NKAIN1: variants seen among roughly 807,000 people sequenced by gnomAD.
NKAIN1 encodes the protein sodium/potassium-transporting ATPase subunit beta-1-interacting protein 1.
NKAIN1 carries 13 observed loss-of-function variants against 31.6 expected under a neutral mutation model. The ratio of observed to expected loss-of-function variants is 0.41; its 90% CI spans 0.27 to 0.65. The LOEUF is 0.65. NKAIN1 is among the 30% of genes least tolerant of loss of function. NKAIN1 has a pLI of 0.30. For missense variants in NKAIN1, 193 were observed against 262.2 expected (o/e 0.74, Z 1.82); for synonymous variants, 104 against 109.0 (o/e 0.95, Z 0.28).
intron 1 of NKAIN1, among the ~76,000 whole-genome samples, chr1:31,236,517 C>T (rs908931026): frequency 1.3e-5 from 2 of 152,074 alleles, no homozygotes; most frequent in African/African-American, 2.4e-5. Flanking sequence ...TCCAACATCC[C>T]GGGGCACATT....
intron 1 of NKAIN1, among the ~76,000 whole-genome samples, chr1:31,230,730 T>A (rs1231851901): frequency 6.7e-6 from 1 of 148,902 alleles, no homozygotes; most frequent in East Asian, 1.9e-4. Context: ...AATTTTTAAT[T>A]TTTGTGGGTT....
At chr1:31,228,063 T>C (rs1645621041) in intron 1 of NKAIN1, among the ~76,000 whole-genome samples, 1 of 152,286 alleles carries the variant, frequency 6.6e-6, no homozygotes, top group East Asian at 1.9e-4. Flanking sequence ...AACAGTGCAG[T>C]GTGAAGGCAT....
intron 4 of NKAIN1, among the ~76,000 whole-genome samples, chr1:31,183,309 T>G (rs909003459): frequency 6.6e-6 from 1 of 152,098 alleles, no homozygotes; most frequent in Non-Finnish European, 1.5e-5. Context: ...GTCTGATGCC[T>G]CATCCTACTC....
intron 1 of NKAIN1, among the ~76,000 whole-genome samples, chr1:31,223,953 G>A (rs889454222): frequency 6.6e-6 from 1 of 152,248 alleles, no homozygotes; most frequent in African/African-American, 2.4e-5. Flanking sequence ...CTGGCAGGGA[G>A]CACCCAAGAA....
chr1:31,191,687 G>A (rs754170958), intron 1 of NKAIN1, among the ~76,000 whole-genome samples: 5 of 152,128 alleles, frequency 3.3e-5, no homozygotes, highest in African/African-American at 1.2e-4. Flanking sequence ...CTAGGATCTG[G>A]CTCAATCCTG....
chr1:31,214,259 G>C (rs1645493214), intron 1 of NKAIN1, among the ~76,000 whole-genome samples: 1 of 151,862 alleles, frequency 6.6e-6, no homozygotes, highest in African/African-American at 2.4e-5. Flanking sequence ...GTGGATTAGT[G>C]GTTGCCAGAA....
chr1:31,232,396 C>CATATATAT (rs371123492), intron 1 of NKAIN1, among the ~76,000 whole-genome samples: 226 of 6,334 alleles, frequency 0.036, 44 homozygotes, highest in South Asian at 0.1. Flanking sequence ...TGGCCTACTT[C>CATATATAT]ATATATATAT....
chr1:31,190,551 A>C (rs1645277214), intron 1 of NKAIN1, among the ~76,000 whole-genome samples: 1 of 152,122 alleles, frequency 6.6e-6, no homozygotes, highest in South Asian at 2.1e-4. Context: ...CCATCTTGGC[A>C]CTGGTAAGGG....
intron 1 of NKAIN1, among the ~76,000 whole-genome samples, chr1:31,234,636 G>C (rs1569595048): frequency 6.6e-6 from 1 of 152,210 alleles, no homozygotes; most frequent in East Asian, 1.9e-4. Context: ...GAATGCGTGT[G>C]TCCAAGGTCA....
chr1:31,194,705 C>G (rs1442226890), intron 1 of NKAIN1, among the ~76,000 whole-genome samples: 2 of 151,092 alleles, frequency 1.3e-5, no homozygotes, highest in Non-Finnish European at 2.9e-5. Flanking sequence ...CTGCACCTGG[C>G]CTGCTTTCTT....
chr1:31,197,974 T>A (rs1376804609), intron 1 of NKAIN1, among the ~76,000 whole-genome samples: 1 of 152,196 alleles, frequency 6.6e-6, no homozygotes, highest in Non-Finnish European at 1.5e-5. Context: ...CACCTCAGCC[T>A]CCTGAGTAGC....
intron 1 of NKAIN1, among the ~76,000 whole-genome samples, chr1:31,197,094 T>G (rs1645333015): frequency 1.3e-5 from 2 of 151,216 alleles, no homozygotes; most frequent in South Asian, 4.2e-4. Flanking sequence ...TGCTTATGAT[T>G]GGATTTTTAC....
intron 1 of NKAIN1, among the ~76,000 whole-genome samples, chr1:31,206,445 T>C (rs917354763): frequency 6.6e-6 from 1 of 152,054 alleles, no homozygotes; most frequent in Non-Finnish European, 1.5e-5. Flanking sequence ...TTTATGTATT[T>C]AGTTTTTTGA....
At chr1:31,229,849 G>C (rs12408714) in intron 1 of NKAIN1, among the ~76,000 whole-genome samples, 9,427 of 152,178 alleles carry the variant, frequency 0.062, 419 homozygotes, top group Admixed American at 0.16. Context: ...GAGCTGGAAG[G>C]GTCCTTTGAG....
At chr1:31,221,305 C>T (rs947049769) in intron 1 of NKAIN1, among the ~76,000 whole-genome samples, 5 of 152,122 alleles carry the variant, frequency 3.3e-5, no homozygotes, top group Admixed American at 6.5e-5. Flanking sequence ...CTGGTCTAGA[C>T]GAATAATTCT....
chr1:31,184,060 G>A (rs752527726), intron 3 of NKAIN1, 46 bp from the exon 4 acceptor site: 18 of 1,549,080 alleles, frequency 1.2e-5, no homozygotes, highest in East Asian at 6.8e-5. Flanking sequence ...GGAGAGGGAG[G>A]GGGGAGCTAC....
chr1:31,194,670 G>T (rs372583027), intron 1 of NKAIN1, among the ~76,000 whole-genome samples: 32 of 150,874 alleles, frequency 2.1e-4, no homozygotes, highest in African/African-American at 7.5e-4. Flanking sequence ...GCCTCCCAAA[G>T]TGCTGGGATT....
intron 1 of NKAIN1, among the ~76,000 whole-genome samples, chr1:31,203,858 T>C (rs1390400396): frequency 1.3e-5 from 2 of 152,184 alleles, no homozygotes; most frequent in Admixed American, 1.3e-4. Flanking sequence ...ATGCTGGGAT[T>C]ACAGGCGTGA....
At chr1:31,207,765 T>A (rs1645435650) in intron 1 of NKAIN1, among the ~76,000 whole-genome samples, 1 of 152,168 alleles carries the variant, frequency 6.6e-6, no homozygotes, top group African/African-American at 2.4e-5. Flanking sequence ...GGACTGAAAC[T>A]GACGCTGCCC....
Sources: gnomAD v4.1 joint callset for allele counts (sites outside exome capture counted in the v4.1 genomes callset) on GRCh38, gnomAD v4.1.1 for gene constraint, MANE v1.5 for transcripts, NCBI Gene and HGNC (gene_info 2026-07-23, HGNC 2026-07-21) for gene names.